Variants in AKAP19 observed in about 807,000 individuals in gnomAD.
The protein encoded by AKAP19 is A-kinase anchoring protein 19, also known as small A-kinase anchoring protein.
At chr2:190,011,524 AT>A in the AKAP19 span, among the ~76,000 whole-genome samples, 20 of 152,012 alleles carry the variant, frequency 1.3e-4, no homozygotes, top group Admixed American at 2.0e-4. Context: ...ATGTCATGTC[AT>A]TTTTCCCATA....
At chr2:190,174,761 T>C in the AKAP19 span, among the ~76,000 whole-genome samples, 2 of 152,224 alleles carry the variant, frequency 1.3e-5, no homozygotes, top group Non-Finnish European at 2.9e-5. Flanking sequence ...TGTCTTATAC[T>C]CACATTTGTA....
the AKAP19 span, among the ~76,000 whole-genome samples, chr2:190,029,011 A>G: frequency 6.6e-6 from 1 of 151,866 alleles, no homozygotes; most frequent in Non-Finnish European, 1.5e-5. Flanking sequence ...TATTTTAAGG[A>G]GATATTCGAG....
chr2:189,978,373 C>T, the AKAP19 span, among the ~76,000 whole-genome samples: 1 of 152,160 alleles, frequency 6.6e-6, no homozygotes, highest in Non-Finnish European at 1.5e-5. Flanking sequence ...GTAATCACAA[C>T]AGTTTGGGAG....
At chr2:190,038,940 C>CT in the AKAP19 span, among the ~76,000 whole-genome samples, 1 of 143,446 alleles carries the variant, frequency 7.0e-6, no homozygotes, top group African/African-American at 2.7e-5. Context: ...TCTTCTTCTT[C>CT]TTCTTCTTCT....
the AKAP19 span, among the ~76,000 whole-genome samples, chr2:190,077,166 C>T: frequency 6.6e-6 from 1 of 150,984 alleles, no homozygotes; most frequent in Non-Finnish European, 1.5e-5. Context: ...CTTTTAAAAC[C>T]TTGAGCATAT....
the AKAP19 span, among the ~76,000 whole-genome samples, chr2:190,071,549 A>C: frequency 6.6e-6 from 1 of 152,196 alleles, no homozygotes; most frequent in Non-Finnish European, 1.5e-5. Context: ...GTGTAAGTAC[A>C]TTCTATGATG....
At chr2:190,009,223 G>A in the AKAP19 span, among the ~76,000 whole-genome samples, 1 of 152,214 alleles carries the variant, frequency 6.6e-6, no homozygotes, top group South Asian at 2.1e-4. Context: ...TGACTAAAGT[G>A]GATGGCCATT....
chr2:189,899,603 T>C, the AKAP19 span, among the ~76,000 whole-genome samples: 1 of 148,662 alleles, frequency 6.7e-6, no homozygotes, highest in African/African-American at 2.4e-5. Context: ...TGATTTTTTT[T>C]CCTATGGCCC....
At chr2:190,078,214 T>C in the AKAP19 span, among the ~76,000 whole-genome samples, 1 of 152,200 alleles carries the variant, frequency 6.6e-6, no homozygotes, top group Non-Finnish European at 1.5e-5. Flanking sequence ...TGTACTGTGA[T>C]CCAAAATCTG....
At chr2:190,074,520 G>A in the AKAP19 span, among the ~76,000 whole-genome samples, 6 of 151,888 alleles carry the variant, frequency 4.0e-5, no homozygotes, top group South Asian at 2.1e-4. Context: ...GCGTGGTGGC[G>A]CGTGCCTCTA....
At chr2:189,950,391 G>A in the AKAP19 span, among the ~76,000 whole-genome samples, 1 of 147,174 alleles carries the variant, frequency 6.8e-6, no homozygotes, top group African/African-American at 2.5e-5. Flanking sequence ...GTGCAGTAGT[G>A]AACATGGGAG....
At chr2:189,891,917 G>A in the AKAP19 span, among the ~76,000 whole-genome samples, 1 of 151,744 alleles carries the variant, frequency 6.6e-6, no homozygotes, top group Non-Finnish European at 1.5e-5. Context: ...ATTTCTTGGA[G>A]GTTTTGTTCA....
the AKAP19 span, among the ~76,000 whole-genome samples, chr2:190,082,081 T>C: frequency 6.6e-6 from 1 of 152,212 alleles, no homozygotes; most frequent in African/African-American, 2.4e-5. Flanking sequence ...CTGTGGAGTA[T>C]GCACAGTGAG....
the AKAP19 span, among the ~76,000 whole-genome samples, chr2:189,934,833 C>T: frequency 9.9e-5 from 15 of 151,426 alleles, no homozygotes; most frequent in Admixed American, 9.9e-4. Context: ...TTAGTAGAGC[C>T]TCAAACAGAA....
chr2:190,085,662 G>A, the AKAP19 span, among the ~76,000 whole-genome samples: 2,059 of 152,256 alleles, frequency 0.014, 45 homozygotes, highest in African/African-American at 0.046. Context: ...GTATGAGCAC[G>A]TTGTAGATGT....
At chr2:189,941,521 T>G in the AKAP19 span, among the ~76,000 whole-genome samples, 1 of 151,056 alleles carries the variant, frequency 6.6e-6, no homozygotes, top group African/African-American at 2.5e-5. Context: ...GTTTTTAATT[T>G]TTGTTTTCAC....
chr2:190,070,000 C>T, the AKAP19 span, among the ~76,000 whole-genome samples: 2 of 152,298 alleles, frequency 1.3e-5, no homozygotes, highest in South Asian at 4.1e-4. Flanking sequence ...CAGTGAAATA[C>T]TTTTGAAGCA....
At chr2:189,951,449 C>T in the AKAP19 span, among the ~76,000 whole-genome samples, 2 of 152,112 alleles carry the variant, frequency 1.3e-5, no homozygotes, top group Non-Finnish European at 2.9e-5. Flanking sequence ...GTAATCCGCC[C>T]ACCTTGGCCT....
At chr2:190,150,385 G>T in the AKAP19 span, 2 of 152,168 alleles carry the variant, frequency 1.3e-5, no homozygotes, top group Non-Finnish European at 2.9e-5. Context: ...GAGATCCCAG[G>T]TCCTTTCTGC....
Sources: gnomAD v4.1 joint callset for allele counts (sites outside exome capture counted in the v4.1 genomes callset) on GRCh38, gnomAD v4.1.1 for gene constraint, MANE v1.5 for transcripts, NCBI Gene and HGNC (gene_info 2026-07-23, HGNC 2026-07-21) for gene names.